The following NSUN6 variants were observed in gnomAD, a reference collection of about 807,000 sequenced individuals.
NSUN6 encodes NOP2/Sun RNA methyltransferase 6, also known as tRNA (cytosine(72)-C(5))-methyltransferase NSUN6.
In NSUN6, 64 loss-of-function variants were observed where a neutral mutation model predicts 58.0. The ratio of observed to expected loss-of-function variants is 1.10; its 90% CI spans 0.90 to 1.36. The LOEUF is 1.36. Ranked by LOEUF, NSUN6 falls within the 40% of genes most tolerant of loss-of-function variation. The probability of loss-of-function intolerance (pLI) is 0.00; values close to 1 mark genes in which losing one functional copy is unlikely to be tolerated. For synonymous variants in NSUN6, 231 were observed against 193.9 expected, an observed-to-expected ratio of 1.19 and a Z score of -1.59; for missense variants, 701 against 550.1, an observed-to-expected ratio of 1.27 and a Z score of -2.74.
At chr10:18,632,278 G>A (rs1052658363) in intron 3 of NSUN6, among the ~76,000 whole-genome samples, 5 of 149,066 alleles carry the variant, frequency 3.4e-5, no homozygotes, top group South Asian at 2.2e-4. Context: ...AGACTTAAAC[G>A]TTAGACCTAA....
At chr10:18,634,069 A>T (rs1195914586) in intron 3 of NSUN6, among the ~76,000 whole-genome samples, 1 of 152,254 alleles carries the variant, frequency 6.6e-6, no homozygotes, top group Non-Finnish European at 1.5e-5. Context: ...AACTGTTTCC[A>T]TTCAATGCAT....
chr10:18,564,059 T>G (rs986620388), intron 8 of NSUN6, among the ~76,000 whole-genome samples: 1 of 151,556 alleles, frequency 6.6e-6, no homozygotes, highest in Non-Finnish European at 1.5e-5. Flanking sequence ...TTCATTTCAT[T>G]CCATTCCATT....
At chr10:18,550,681 TTTGCTCCC>T (rs1661505798) in intron 9 of NSUN6, among the ~76,000 whole-genome samples, 1 of 152,076 alleles carries the variant, frequency 6.6e-6, no homozygotes, top group Admixed American at 6.6e-5. Flanking sequence ...ATCAATGAGT[TTTGCTCCC>T]TATTGGGCCT....
At chr10:18,657,336 G>C (rs2059788158), upstream of NSUN6, among the ~76,000 whole-genome samples, 1 of 151,962 alleles carries the variant, frequency 6.6e-6, no homozygotes, top group African/African-American at 2.4e-5. Flanking sequence ...TAAAATATTA[G>C]AACAGTCTCA....
chr10:18,645,887 T>C (rs934323298), intron 2 of NSUN6, among the ~76,000 whole-genome samples: 9 of 152,170 alleles, frequency 5.9e-5, no homozygotes, highest in Admixed American at 2.6e-4. Flanking sequence ...AATTAAATTT[T>C]ATATTATTAA....
chr10:18,578,231 ATTTT>A (rs71402184), intron 8 of NSUN6, among the ~76,000 whole-genome samples: 258 of 121,140 alleles, frequency 2.1e-3, no homozygotes, highest in African/African-American at 6.3e-3. Context: ...CTCTAAGCCT[ATTTT>A]TTTTTTTTTT....
chr10:18,647,569 T>C (rs1318903894), intron 2 of NSUN6, among the ~76,000 whole-genome samples: 1 of 152,148 alleles, frequency 6.6e-6, no homozygotes, highest in African/African-American at 2.4e-5. Context: ...ATAAATGCCA[T>C]TTTATAATAT....
intron 3 of NSUN6, among the ~76,000 whole-genome samples, chr10:18,634,253 C>T (rs1033275580): frequency 4.6e-5 from 7 of 152,096 alleles, no homozygotes; most frequent in African/African-American, 9.7e-5. Flanking sequence ...ACAAGGCAAA[C>T]TAAACCAGCA....
At chr10:18,602,401 G>T (rs958256399) in intron 6 of NSUN6, among the ~76,000 whole-genome samples, 1 of 151,968 alleles carries the variant, frequency 6.6e-6, no homozygotes, top group Admixed American at 6.6e-5. Context: ...CCGCCACCAC[G>T]CCCGGCTAAT....
At position 18,651,229 on chromosome 10, in the gene NSUN6, A is replaced by C; in HGVS notation, c.-26T>G. 1 of 1,520,006 alleles carries C rather than the reference A, an allele frequency of 6.6e-7. No homozygotes were observed. Among genetic ancestry groups the C allele is most frequent in the South Asian group, 1.3e-5 (1 of 78,864 alleles). 94.2% of individuals were successfully genotyped at this position (1,520,006 alleles called of 1,614,324 possible). On this transcript the variant is annotated 5_prime_UTR_variant, in exon 1 of 11. Transcript: ENST00000377304. ...TTTTCCTGTTGTTTAGTTCTCCACC[A>C]AGAGAAATGCTGGAAAACGGTGTTT...
intron 7 of NSUN6, among the ~76,000 whole-genome samples, chr10:18,590,806 A>G (rs984110247): frequency 1.3e-5 from 2 of 152,238 alleles, no homozygotes; most frequent in African/African-American, 2.4e-5. Flanking sequence ...ATCAAGCTGG[A>G]AAGATCTGAA....
At chr10:18,555,757 AGAATGGAAAAGAGCG>A (rs1202543988) in intron 8 of NSUN6, among the ~76,000 whole-genome samples, 1 of 150,796 alleles carries the variant, frequency 6.6e-6, no homozygotes, top group African/African-American at 2.4e-5. Context: ...AATAGAATGG[AGAATGGAAAAGAGCG>A]GAATGGAATG....
In NSUN6 at chr10:18,651,063, T is replaced by G; in HGVS notation, c.75+66A>C. The G allele has an allele frequency of 1.9e-6, 3 of 1,558,772 alleles. No homozygotes were observed. The East Asian group carries it at 6.9e-5, about 36-fold the overall frequency. ...AGATTTCCCTTTATACTTATTTCTA[T>G]TTCTCTCGAGTGTGCGAATATTTGA... On this transcript the variant is annotated intron_variant, in intron 1 of 10. Transcript: ENST00000377304.
In NSUN6 at chr10:18,551,877, C is replaced by G. The variant is rs1430321290; in HGVS notation, c.1017G>C (p.Trp339Cys). Residue 339 changes from tryptophan to cysteine, a missense_variant, in exon 9 of 11, where the codon TGG becomes TGC. Physicochemically the swap from Trp to Cys is radical, Grantham distance 215 (BLOSUM62 -2). Coordinates refer to ENST00000377304, the MANE Select transcript of NSUN6 (RefSeq NM_182543.5). ...GATATGATGCCACTTCCTTCACAGA[C>G]CAAGTACAGGCCATGTTTGGTCTCT... ...MGQRPNMACTWSVKEVASYQP... is the reference protein window; with the variant it reads ...MGQRPNMACTCSVKEVASYQP... 7 of 1,613,482 alleles carry G rather than the reference C, an allele frequency of 4.3e-6. No individual in the cohort carries two copies. In the East Asian group the frequency reaches 1.1e-4, roughly 26 times the overall value.
intron 8 of NSUN6, among the ~76,000 whole-genome samples, chr10:18,583,929 C>T (rs7895775): frequency 0.61 from 93,408 of 152,070 alleles, 29,095 homozygotes; most frequent in East Asian, 0.98. Flanking sequence ...GTTTCCTACT[C>T]AGCCCTTCAG....
At chr10:18,604,853 T>C (rs1228267864) in intron 6 of NSUN6, among the ~76,000 whole-genome samples, 1 of 149,674 alleles carries the variant, frequency 6.7e-6, no homozygotes, top group East Asian at 2.1e-4. Context: ...GACACTTCAC[T>C]CCAGCCTGGG....
At position 18,559,144 on chromosome 10, in the gene NSUN6, G is replaced by T. The variant is rs944548801; in HGVS notation, c.923-7173C>A. Among the ~76,000 whole-genome samples, 5 of 149,316 alleles carry T rather than the reference G, an allele frequency of 3.3e-5. No homozygotes were observed. In the South Asian group the frequency reaches 1.0e-3, roughly 31 times the overall value. On this transcript the variant is annotated intron_variant, in intron 8 of 10. Coordinates refer to ENST00000377304, the MANE Select transcript of NSUN6 (RefSeq NM_182543.5). Reference sequence around the variant, plus strand: ...GGAACGAAGAGTGGAATGAAATGGAGAATGGAATGCAGAATGGAATGGAAT... The same window carrying T: ...GGAACGAAGAGTGGAATGAAATGGATAATGGAATGCAGAATGGAATGGAAT...
At chr10:18,557,131 TGGAATGGAATGG>T (rs996541695) in intron 8 of NSUN6, among the ~76,000 whole-genome samples, 9 of 149,428 alleles carry the variant, frequency 6.0e-5, no homozygotes, top group African/African-American at 2.2e-4. Context: ...AAGTAGAGAA[TGGAATGGAATGG>T]GGAATGGAAT....
intron 10 of NSUN6, among the ~76,000 whole-genome samples, chr10:18,546,635 A>G (rs538791277): frequency 1.3e-5 from 2 of 152,168 alleles, no homozygotes; most frequent in South Asian, 4.1e-4. Flanking sequence ...CCCAGCACTT[A>G]GGGAGGCCGA....
Sources: gnomAD v4.1 joint callset for allele counts (sites outside exome capture counted in the v4.1 genomes callset) on GRCh38, gnomAD v4.1.1 for gene constraint, MANE v1.5 for transcripts, NCBI Gene and HGNC (gene_info 2026-07-23, HGNC 2026-07-21) for gene names.